IDH2: variants seen among roughly 807,000 people sequenced by gnomAD.
The protein encoded by IDH2 is isocitrate dehydrogenase (NADP(+)) 2.
IDH2 carries 18 observed loss-of-function variants against 50.5 expected under a neutral mutation model. That is an observed-to-expected ratio of 0.36 (90% CI 0.25 to 0.53). The LOEUF is 0.53. IDH2 is among the 20% of genes least tolerant of loss of function. The pLI, the probability that IDH2 is intolerant of heterozygous loss-of-function variation, is 0.92. For synonymous variants in IDH2, 280 were observed against 239.8 expected (o/e 1.17, Z -1.55); for missense variants, 518 against 610.7 (o/e 0.85, Z 1.60).
In IDH2 at chr15:90,102,366, G is replaced by C. The variant is rs1596083346; in HGVS notation, c.25C>G (p.Arg9Gly). Residue 9 changes from arginine to glycine, a missense_variant, in exon 1 of 11, where the codon CGC becomes GGC. Arg to Gly is a moderately radical substitution (Grantham distance 125, BLOSUM62 -2). Coordinates refer to ENST00000330062, the MANE Select transcript of IDH2 (RefSeq NM_002168.4). ...GAGCCTGAGGCTCTGCAGAGCGAGC[G>C]CACGACCCGCAGGTAGCCGGCCATC... MAGYLRVV[R>G]SLCRASGSRP... The C allele has an allele frequency of 1.5e-6, 2 of 1,364,456 alleles. No homozygotes were observed. Among genetic ancestry groups the C allele is most frequent in the Non-Finnish European group, 1.9e-6 (2 of 1,048,236 alleles). The allele number at this position is 1,364,456 out of a possible 1,614,324, so 84.5% of individuals were successfully genotyped here. A position where few individuals can be genotyped will look rare whatever the true frequency, so the allele number is the denominator to read the frequency against.
At chr15:90,089,558 G>A (rs901807912) in intron 3 of IDH2, among the ~76,000 whole-genome samples, 3 of 152,172 alleles carry the variant, frequency 2.0e-5, no homozygotes, top group Non-Finnish European at 4.4e-5. Context: ...AACTCCCAAG[G>A]TTCAGGTGAA....
intron 1 of IDH2, among the ~76,000 whole-genome samples, chr15:90,099,124 A>C (rs1043248665): frequency 6.6e-6 from 1 of 152,170 alleles, no homozygotes; most frequent in Non-Finnish European, 1.5e-5. Context: ...AGGTCCCTGA[A>C]GCTAGAATGC....
At chr15:90,092,653 T>G (rs1901074125) in intron 1 of IDH2, among the ~76,000 whole-genome samples, 1 of 152,118 alleles carries the variant, frequency 6.6e-6, no homozygotes, top group Admixed American at 6.6e-5. Context: ...CTCAGCCCAC[T>G]GCAACCTCCG....
intron 1 of IDH2, among the ~76,000 whole-genome samples, chr15:90,093,910 ACG>A (rs1901115172): frequency 6.9e-6 from 1 of 145,296 alleles, no homozygotes; most frequent in Non-Finnish European, 1.6e-5. Flanking sequence ...GTGAGCCACC[ACG>A]CCTGGCCATT....
intron 6 of IDH2, 26 bp from the exon 7 acceptor site, chr15:90,087,289 G>GGA (rs1567253777): frequency 6.2e-7 from 1 of 1,614,096 alleles, no homozygotes; most frequent in East Asian, 2.2e-5. Context: ...TCTGTTATGG[G>GGA]GAGAGGGCAG....
Position 90,100,710 on chromosome 15 carries a change from T to G in IDH2, c.115+1566A>C. On this transcript the variant is annotated intron_variant, in intron 1 of 10. Transcript: ENST00000330062. The surrounding 1 kb of genome is among the most constrained non-coding windows in gnomAD (Gnocchi z 4.1). ...ATTCTTTCCTTGTCATCAAGGGGAATGCCAAGTATTCTGTCTCCAGCTGCG... is the reference window on the plus strand; with the variant it reads ...ATTCTTTCCTTGTCATCAAGGGGAAGGCCAAGTATTCTGTCTCCAGCTGCG... The G allele has an allele frequency of 3.2e-6, 3 of 928,492 alleles. No individual in the cohort carries two copies. Among genetic ancestry groups the G allele is most frequent in the Non-Finnish European group, 3.9e-6 (3 of 778,020 alleles). The allele number at this position is 928,492 out of a possible 1,614,324, so 57.5% of individuals were successfully genotyped here.
intron 3 of IDH2, among the ~76,000 whole-genome samples, chr15:90,089,132 T>C (rs1183881009): frequency 6.6e-6 from 1 of 151,918 alleles, no homozygotes; most frequent in Non-Finnish European, 1.5e-5. Context: ...CAGGCTGGTC[T>C]CGACCTCCCA....
At chr15:90,095,919 G>GT (rs570532293) in intron 1 of IDH2, among the ~76,000 whole-genome samples, 361 of 152,222 alleles carry the variant, frequency 2.4e-3, no homozygotes, top group African/African-American at 8.1e-3. Context: ...CCAGGTACTG[G>GT]TTTTTTAAAA....
rs1445140186 is a variant in IDH2 at position 90,100,802 on chromosome 15, T to C, written c.115+1474A>G. 4.3e-6 allele frequency: 1 copy of C among 232,860 alleles called. No individual in the cohort carries two copies. The highest frequency in any genetic ancestry group is 2.3e-5 in the African/African-American group (1 of 42,872). 14.4% of individuals were successfully genotyped at this position (232,860 alleles called of 1,614,324 possible). The stretch of plus-strand genomic sequence containing the variant: ...GATGTCCAACTCCAACACCAAGCAA[T>C]TTCCCCATTCATAACCAACCCACAT... On this transcript the variant is annotated intron_variant, in intron 1 of 10. Coordinates refer to ENST00000330062, the MANE Select transcript of IDH2 (RefSeq NM_002168.4). The surrounding 1 kb of genome is among the most constrained non-coding windows in gnomAD (Gnocchi z 4.1).
At chr15:90,087,320 C>A (rs1900886043) in intron 6 of IDH2, 57 bp from the exon 7 acceptor site, 2 of 1,613,044 alleles carry the variant, frequency 1.2e-6, no homozygotes, top group Non-Finnish European at 1.7e-6. Context: ...GGTTGGGGAT[C>A]CCTCCCTGAG....
chr15:90,097,876 T>G (rs963615637), intron 1 of IDH2, among the ~76,000 whole-genome samples: 5 of 152,120 alleles, frequency 3.3e-5, no homozygotes, highest in Non-Finnish European at 5.9e-5. Context: ...TCAGGAGATT[T>G]TATATAAAAA....
At chr15:90,092,154 T>C (rs926879522) in intron 1 of IDH2, among the ~76,000 whole-genome samples, 1 of 152,160 alleles carries the variant, frequency 6.6e-6, no homozygotes, top group African/African-American at 2.4e-5. Flanking sequence ...TCATTATATA[T>C]TACAATGTAA....
In IDH2 at chr15:90,094,921, C is replaced by CA. The variant is rs934952869; in HGVS notation, c.116-3278dup. ...CATCTCAAAAAAACAAACAAACAAA[C>CA]AAAAAAAACTGGGTGGGAAGAACTG... On this transcript the variant is annotated intron_variant, in intron 1 of 10. Coordinates refer to ENST00000330062, the MANE Select transcript of IDH2 (RefSeq NM_002168.4). Among the ~76,000 whole-genome samples the CA allele has an allele frequency of 5.3e-4, 81 of 151,782 alleles. 1 individual carries two copies. The highest frequency in any genetic ancestry group is 1.7e-3 in the African/African-American group (70 of 41,376).
At position 90,102,312 on chromosome 15, in the gene IDH2, TCAGGGCCGCCGGCGCC is replaced by T; in HGVS notation, c.63_78del (p.Trp21Ter). 1 of 1,356,172 alleles carries T rather than the reference TCAGGGCCGCCGGCGCC, an allele frequency of 7.4e-7. No individual in the cohort carries two copies. Among genetic ancestry groups the T allele is most frequent in the Non-Finnish European group, 9.6e-7 (1 of 1,043,654 alleles). 84.0% of individuals were successfully genotyped at this position (1,356,172 alleles called of 1,614,324 possible). On this transcript the variant is annotated frameshift_variant, in exon 1 of 11. Coordinates refer to ENST00000330062, the MANE Select transcript of IDH2 (RefSeq NM_002168.4). LOFTEE classifies it high-confidence loss of function. ...GGCTGCTCTTGCGAGGTGGGGGCTGTCAGGGCCGCCGGCGCCCAGGCCGGCCGCGAGCCTGAGGCTC... is the reference window on the plus strand; with the variant it reads ...GGCTGCTCTTGCGAGGTGGGGGCTGTCAGGCCGGCCGCGAGCCTGAGGCTC...
chr15:90,088,385 C>A lies in IDH2; in HGVS notation c.652G>T (p.Gly218Cys). Residue 218 changes from glycine (G) to cysteine (C), a missense_variant, in exon 5 of 11, where the codon GGC becomes TGC. Physicochemically the swap from Gly to Cys is radical, Grantham distance 159. This residue lies in a region of IDH2 where 207 missense variants were observed against 208.6 expected (regional missense o/e 0.99). Coordinates refer to ENST00000330062, the MANE Select transcript of IDH2 (RefSeq NM_002168.4). Reference protein sequence around the residue: ...EVYNFPAGGVGMGMYNTDESI... With the variant: ...EVYNFPAGGVCMGMYNTDESI... ...TCGTCGGTGTTGTACATGCCCATGCCCACGCCGCCTGCGGGGAAGTTGTAC... is the reference window on the plus strand; with the variant it reads ...TCGTCGGTGTTGTACATGCCCATGCACACGCCGCCTGCGGGGAAGTTGTAC... 1.2e-6 allele frequency: 2 copies of A among 1,614,058 alleles called. No individual in the cohort carries two copies. The highest frequency in any genetic ancestry group is 1.7e-6 in the Non-Finnish European group (2 of 1,180,044).
chr15:90,090,439 T>G, intron 3 of IDH2, 40 bp downstream of exon 3: 1 of 1,607,136 alleles, frequency 6.2e-7, no homozygotes, highest in Non-Finnish European at 8.5e-7. Context: ...GGGAGAAGCC[T>G]GTGACCCTCC....
At position 90,083,936 on chromosome 15, in the gene IDH2, G is replaced by T. The variant is rs534544502; in HGVS notation, c.*330C>A. ...GCTCTAGCAGGGCCTCTGCCTCAGG[G>T]TCCCACTACCTCCTCCCCTCAGGGA... On this transcript the variant is annotated 3_prime_UTR_variant, in exon 11 of 11. Coordinates refer to ENST00000330062, the MANE Select transcript of IDH2 (RefSeq NM_002168.4). 340 of 437,142 alleles carry T rather than the reference G, an allele frequency of 7.8e-4. 1 individual carries two copies. Among genetic ancestry groups the T allele is most frequent in the Non-Finnish European group, 1.3e-3 (305 of 234,592 alleles). The allele number at this position is 437,142 out of a possible 1,614,324, so 27.1% of individuals were successfully genotyped here.
At chr15:90,088,861 G>A in intron 3 of IDH2, 114 bp from the exon 4 acceptor site, 1 of 1,115,222 alleles carries the variant, frequency 9.0e-7, no homozygotes, top group Non-Finnish European at 1.3e-6. Context: ...CATGAGGAAG[G>A]CAGTAGAGTC....
intron 2 of IDH2, among the ~76,000 whole-genome samples, chr15:90,091,050 T>C (rs935783894): frequency 2.3e-5 from 3 of 130,198 alleles, no homozygotes; most frequent in Non-Finnish European, 5.6e-5. Flanking sequence ...CTTTGTCCCA[T>C]GAACGCACAC....
Sources: allele counts gnomAD v4.1 joint callset (sites outside exome capture counted in the v4.1 genomes callset), GRCh38; gene constraint gnomAD v4.1.1; regional missense constraint gnomAD v4.1.1; non-coding constraint Gnocchi (gnomAD v3.1); transcripts MANE v1.5; gene names NCBI Gene and HGNC (gene_info 2026-07-23, HGNC 2026-07-21).